The following SH2B1 variants were observed in gnomAD, a reference collection of about 807,000 sequenced individuals.
The protein encoded by SH2B1 is SH2B adapter protein 1.
SH2B1 carries 15 observed loss-of-function variants against 62.6 expected under a neutral mutation model. That is an observed-to-expected ratio of 0.24 (90% confidence interval 0.16 to 0.37). SH2B1 has a LOEUF of 0.37. SH2B1 is among the 10% of genes least tolerant of loss of function. The probability of loss-of-function intolerance (pLI) is 1.00; values close to 1 mark genes in which losing one functional copy is unlikely to be tolerated. For missense variants in SH2B1, 925 were observed against 1,015.6 expected, an observed-to-expected ratio of 0.91 and a Z score of 1.21; for synonymous variants, 443 against 438.0, an observed-to-expected ratio of 1.01 and a Z score of -0.14.
chr16:28,854,785 C>A (rs1962283341), intron 1 of SH2B1, among the ~76,000 whole-genome samples: 1 of 152,130 alleles, frequency 6.6e-6, no homozygotes, highest in African/African-American at 2.4e-5. Flanking sequence ...TAATAAAATT[C>A]TCCGTGTGTC....
intron 1 of SH2B1, among the ~76,000 whole-genome samples, chr16:28,851,312 T>C (rs1962094344): frequency 6.6e-6 from 1 of 151,798 alleles, no homozygotes; most frequent in African/African-American, 2.4e-5. Context: ...GTTCTGATTC[T>C]CCAAATGGAA....
At position 28,873,528 on chromosome 16, in the gene SH2B1, C is replaced by T. The variant is rs768965595; in HGVS notation, c.1979C>T (p.Ala660Val). 4 of 1,603,066 alleles carry T rather than the reference C, an allele frequency of 2.5e-6. No individual in the cohort carries two copies. Among genetic ancestry groups the T allele is most frequent in the Admixed American group, 1.7e-5 (1 of 58,486 alleles). Reference protein sequence around the residue: ...TDPPQPGAEEASRAPEVAAAA... With the variant: ...TDPPQPGAEEVSRAPEVAAAA... ...CCCCCACAGCCTGGGGCAGAAGAGG[C>T]GTCGAGGGCGCCAGAAGTGGCGGCA... is the stretch of plus-strand genomic sequence containing the variant. The change falls in exon 8 of 8, where the codon GCG becomes GTG. Residue 660 changes from alanine to valine, a missense_variant. By Grantham distance (64) the Ala-to-Val change is moderately conservative (BLOSUM62 0). Transcript: ENST00000684370. This position sits in a 1 kb window ranked among gnomAD's most constrained non-coding sequence, Gnocchi z 4.2.
intron 1 of SH2B1, among the ~76,000 whole-genome samples, chr16:28,852,837 T>TTTTGG (rs1962195117): frequency 1.3e-5 from 1 of 77,792 alleles, no homozygotes; most frequent in Non-Finnish European, 2.3e-5. Context: ...TTTATATATA[T>TTTTGG]ATACATATAT....
intron 1 of SH2B1, among the ~76,000 whole-genome samples, chr16:28,854,059 G>A (rs997803987): frequency 1.3e-5 from 2 of 149,904 alleles, no homozygotes; most frequent in Non-Finnish European, 3.0e-5. Context: ...GTGAGGCCAA[G>A]GTAGGAAGAT....
upstream of SH2B1, chr16:28,863,121 G>A: frequency 6.6e-6 from 1 of 152,096 alleles, no homozygotes; most frequent in Non-Finnish European, 1.5e-5. Flanking sequence ...AGTAGAGACG[G>A]GGTTTCACCA....
At position 28,871,982 on chromosome 16, in the gene SH2B1, A is replaced by G; in HGVS notation, c.1512A>G (p.Thr504=). 1 of 1,581,252 alleles carries G rather than the reference A, an allele frequency of 6.3e-7. No homozygotes were observed. Among genetic ancestry groups the G allele is most frequent in the Non-Finnish European group, 8.7e-7 (1 of 1,151,126 alleles). ...YPPLDTPETA[T]GSFLFQGEPE... is the part of the protein sequence containing the mutation. Reference sequence around the variant, plus strand: ...CCTTGGACACTCCGGAAACAGCCACAGGTACCGGAGGTGTGAGTGTGCATG... The same window carrying G: ...CCTTGGACACTCCGGAAACAGCCACGGGTACCGGAGGTGTGAGTGTGCATG... The change falls in exon 5 of 8, where the codon ACA becomes ACG. Residue 504 remains threonine, a splice_region_variant and synonymous_variant. Transcript: ENST00000684370.
chr16:28,867,311 G>T lies in SH2B1; in HGVS notation c.940-20G>T. 6.3e-7 allele frequency: 1 copy of T among 1,587,882 alleles called. No individual in the cohort carries two copies. The highest frequency in any genetic ancestry group is 8.6e-7 in the Non-Finnish European group (1 of 1,156,706). On this transcript the variant is annotated intron_variant, in intron 1 of 7. Transcript: ENST00000684370. The stretch of plus-strand genomic sequence containing the variant: ...CTTTGGAAACCAAACACCCAGATCT[G>T]TTTCTTTCTCCTGACTTAGGCCTCT...
At chr16:28,850,401 T>TGGC (rs1962067795) in intron 1 of SH2B1, among the ~76,000 whole-genome samples, 2 of 152,194 alleles carry the variant, frequency 1.3e-5, no homozygotes, top group Admixed American at 1.3e-4. Flanking sequence ...TCTACAAACA[T>TGGC]AAAAATAAAA....
rs200390352 is a variant in SH2B1 at position 28,854,128 on chromosome 16, CA to C, written c.-301+7307del. Reference sequence around the variant, plus strand: ...GCAATGTAGTGAGACTCCATCTCTACAAAAAATTTGAAAAATTAGCAGGGCA... The same window carrying C: ...GCAATGTAGTGAGACTCCATCTCTACAAAAATTTGAAAAATTAGCAGGGCA... On this transcript the variant is annotated intron_variant, in intron 1 of 10. Transcript: ENST00000322610. Among the ~76,000 whole-genome samples the C allele has an allele frequency of 9.3e-5, 14 of 150,008 alleles. No homozygotes were observed. The East Asian group carries it at 2.6e-3, about 28-fold the overall frequency.
At position 28,863,964 on chromosome 16, in the gene SH2B1, C is replaced by A. The variant is rs1013825626; in HGVS notation, c.-2131C>A. The A allele has an allele frequency of 1.4e-6, 2 of 1,443,634 alleles. No individual in the cohort carries two copies. The highest frequency in any genetic ancestry group is 2.8e-5 in the Admixed American group (1 of 36,160). 89.4% of individuals were successfully genotyped at this position (1,443,634 alleles called of 1,614,324 possible). A position where few individuals can be genotyped will look rare whatever the true frequency, so the allele number is the denominator to read the frequency against. On this transcript the variant is annotated 5_prime_UTR_variant, in exon 1 of 8. Coordinates refer to ENST00000684370, the MANE Select transcript of SH2B1 (RefSeq NM_001387430.1). Reference sequence around the variant, plus strand: ...GATGCAGGTGGGACCGGAACCGGAACCCCCCTCTTCAAGTACCTTTTCCCT... The same window carrying A: ...GATGCAGGTGGGACCGGAACCGGAAACCCCCTCTTCAAGTACCTTTTCCCT...
chr16:28,850,151 A>G (rs1323876577), intron 1 of SH2B1, among the ~76,000 whole-genome samples: 2 of 152,128 alleles, frequency 1.3e-5, no homozygotes, highest in Non-Finnish European at 2.9e-5. Context: ...CAGAGGAGGG[A>G]TTTGTTAAGG....
At chr16:28,855,877 G>C (rs1207107418) in intron 1 of SH2B1, among the ~76,000 whole-genome samples, 3 of 136,006 alleles carry the variant, frequency 2.2e-5, no homozygotes, top group African/African-American at 8.4e-5. Flanking sequence ...GGATGGTCTC[G>C]ATCTCCTGAC....
chr16:28,872,161 C>T lies in SH2B1; in HGVS notation c.1514-29C>T, dbSNP rs199619667. ...GATGGGGGAGGCTGCCCTGACACCC[C>T]GGTTTCCCTCCCTCTCTCCTTCCTG... On this transcript the variant is annotated intron_variant, in intron 5 of 7. Coordinates refer to ENST00000684370, the MANE Select transcript of SH2B1 (RefSeq NM_001387430.1). The surrounding 1 kb of genome is among the most constrained non-coding windows in gnomAD (Gnocchi z 5.3). 1.9e-3 allele frequency: 3,012 copies of T among 1,597,006 alleles called. 6 individuals carry two copies. The highest frequency in any genetic ancestry group is 2.6e-3 in the Admixed American group (152 of 58,692).
chr16:28,853,081 T>TATATGTAC (rs1962235705), intron 1 of SH2B1, among the ~76,000 whole-genome samples: 1 of 120,058 alleles, frequency 8.3e-6, no homozygotes, highest in African/African-American at 3.4e-5. Flanking sequence ...TATATATTTA[T>TATATGTAC]ATATATTTAT....
rs1401421716 is a variant in SH2B1 at position 28,864,030 on chromosome 16, G to C, written c.-2065G>C. 2 of 1,394,828 alleles carry C rather than the reference G, an allele frequency of 1.4e-6. No individual in the cohort carries two copies. Among genetic ancestry groups the C allele is most frequent in the East Asian group, 5.5e-5 (2 of 36,552 alleles). The allele number at this position is 1,394,828 out of a possible 1,614,324, so 86.4% of individuals were successfully genotyped here. The stretch of plus-strand genomic sequence containing the variant: ...CTGGCGCCCGAGAGGATTCCTGGGT[G>C]GGGGTGGGCGTGGAGGGCCGGGGGC... On this transcript the variant is annotated 5_prime_UTR_variant, in exon 1 of 8. Transcript: ENST00000684370.
chr16:28,854,315 TATAA>T (rs1034548252), intron 1 of SH2B1, among the ~76,000 whole-genome samples: 4 of 151,844 alleles, frequency 2.6e-5, no homozygotes, highest in African/African-American at 9.7e-5. Context: ...AAAATAATAA[TATAA>T]ATAAAATATT....
rs1178812698 is a variant in SH2B1, at chr16:28,865,085, A to C, written c.-1010A>C. 1.0e-6 allele frequency: 1 copy of C among 985,432 alleles called. No homozygotes were observed. The highest frequency in any genetic ancestry group is 6.1e-5 in the Admixed American group (1 of 16,262). The allele number at this position is 985,432 out of a possible 1,614,324, so 61.0% of individuals were successfully genotyped here. A position where few individuals can be genotyped will look rare whatever the true frequency, so the allele number is the denominator to read the frequency against. ...AGTCCATGGCCTTAACCAGAAGGCT[A>C]ACCTGCCTTTAGGGCATACTCCCCA... On this transcript the variant is annotated 5_prime_UTR_variant, in exon 1 of 8. Transcript: ENST00000684370.
intron 2 of SH2B1, 110 bp from the exon 3 acceptor site, chr16:28,868,896 A>G (rs1193381057): frequency 7.0e-6 from 6 of 851,448 alleles, no homozygotes; most frequent in Non-Finnish European, 1.0e-5. Context: ...TCCAGAGAGA[A>G]TTCGAATGCA....
upstream of SH2B1, among the ~76,000 whole-genome samples, chr16:28,859,005 G>C (rs1279169857): frequency 1.3e-5 from 2 of 151,340 alleles, no homozygotes; most frequent in Non-Finnish European, 2.9e-5. Flanking sequence ...TGCTGTGCAT[G>C]ATCTTGGCTC....
Sources: gnomAD v4.1 joint callset for allele counts (sites outside exome capture counted in the v4.1 genomes callset) on GRCh38, gnomAD v4.1.1 for gene constraint, Gnocchi (gnomAD v3.1) non-coding constraint, MANE v1.5 for transcripts, NCBI Gene and HGNC (gene_info 2026-07-23, HGNC 2026-07-21) for gene names.